Variants in DTNBP1 observed in about 807,000 individuals in gnomAD.
DTNBP1 encodes the protein dystrobrevin binding protein 1.
DTNBP1 carries 35 observed loss-of-function variants against 42.8 expected under a neutral mutation model. That is an observed-to-expected ratio of 0.82 (90% CI 0.63 to 1.09). The LOEUF (loss-of-function observed/expected upper bound fraction) is 1.09, where lower values mean the gene tolerates loss of function less well. Among genes scored for constraint, DTNBP1 ranks in the 50% least tolerant of loss-of-function variants. DTNBP1 has a pLI of 0.00. For missense variants in DTNBP1, 457 were observed against 424.2 expected (o/e 1.08, Z -0.68); for synonymous variants, 171 against 162.2 (o/e 1.05, Z -0.41).
At chr6:15,615,800 TTAAC>T (rs1163203627) in intron 5 of DTNBP1, among the ~76,000 whole-genome samples, 11 of 152,238 alleles carry the variant, frequency 7.2e-5, no homozygotes, top group African/African-American at 2.7e-4. Context: ...ACACCTATAC[TTAAC>T]TAACTTAATA....
intron 1 of DTNBP1, among the ~76,000 whole-genome samples, chr6:15,654,067 G>C (rs781568770): frequency 6.6e-6 from 1 of 152,096 alleles, no homozygotes; most frequent in African/African-American, 2.4e-5. Context: ...GTCATACAAA[G>C]AGTTTCATAT....
chr6:15,541,869 C>T lies in DTNBP1; in HGVS notation c.512-8474G>A, dbSNP rs772631033. ...ATACTCTACAACTAAGCCTTTTAACCGAGATAGGTAATAAATATAGTGAGG... is the reference window on the plus strand; with the variant it reads ...ATACTCTACAACTAAGCCTTTTAACTGAGATAGGTAATAAATATAGTGAGG... On this transcript the variant is annotated intron_variant, in intron 7 of 9. Coordinates refer to ENST00000344537, the MANE Select transcript of DTNBP1 (RefSeq NM_032122.5). 3.6e-4 allele frequency among the ~76,000 whole-genome samples: 54 copies of T among 151,846 alleles called. 1 individual carries two copies. Among genetic ancestry groups the T allele is most frequent in the Non-Finnish European group, 6.9e-4 (47 of 67,964 alleles).
At chr6:15,524,919 G>A (rs529072043) in intron 8 of DTNBP1, among the ~76,000 whole-genome samples, 5 of 152,330 alleles carry the variant, frequency 3.3e-5, no homozygotes, top group Admixed American at 2.0e-4. Flanking sequence ...GGACGCTGAA[G>A]ACTAATCTCT....
chr6:15,568,769 T>C (rs760120932), intron 7 of DTNBP1, among the ~76,000 whole-genome samples: 20 of 152,234 alleles, frequency 1.3e-4, no homozygotes, highest in African/African-American at 4.3e-4. Context: ...CATTTTATTT[T>C]CTCTAGCTTG....
chr6:15,595,144 T>C, intron 6 of DTNBP1: 1 of 456,098 alleles, frequency 2.2e-6, no homozygotes, highest in South Asian at 1.5e-5. Context: ...TCCAGGAAAC[T>C]TCCCTTCAGA....
chr6:15,644,202 GTACAACATAATGA>G (rs1169482897), intron 3 of DTNBP1, among the ~76,000 whole-genome samples: 1 of 150,122 alleles, frequency 6.7e-6, no homozygotes, highest in East Asian at 1.9e-4. Context: ...ACAAAGAAGG[GTACAACATAATGA>G]TAAAGAGCTC....
At chr6:15,581,337 G>T (rs1775822952) in intron 7 of DTNBP1, among the ~76,000 whole-genome samples, 1 of 151,230 alleles carries the variant, frequency 6.6e-6, no homozygotes, top group African/African-American at 2.4e-5. Context: ...CTGCCACCAC[G>T]CCTGGCTAAT....
intron 1 of DTNBP1, among the ~76,000 whole-genome samples, chr6:15,656,283 T>C (rs570656155): frequency 6.6e-6 from 1 of 152,322 alleles, no homozygotes; most frequent in Admixed American, 6.5e-5. Context: ...ACATAAGTGC[T>C]GTGTGAGCAT....
At chr6:15,547,251 A>T (rs776343296) in intron 7 of DTNBP1, among the ~76,000 whole-genome samples, 34 of 152,218 alleles carry the variant, frequency 2.2e-4, no homozygotes, top group Non-Finnish European at 4.4e-4. Context: ...GGTTGTACAG[A>T]CAGAAAACCA....
chr6:15,620,349 G>A (rs953818945), intron 5 of DTNBP1, among the ~76,000 whole-genome samples: 1 of 152,084 alleles, frequency 6.6e-6, no homozygotes. Context: ...ATGATGTACT[G>A]CCATTTATAT....
At position 15,552,285 on chromosome 6, in the gene DTNBP1, C is replaced by T. The variant is rs545305194; in HGVS notation, c.512-18890G>A. On this transcript the variant is annotated intron_variant, in intron 7 of 9. Transcript: ENST00000344537. Reference sequence around the variant, plus strand: ...ATCCAAATGATCAATAAAATACACCCTCTGAACTCCTCCCCCAAATTCATA... The same window carrying T: ...ATCCAAATGATCAATAAAATACACCTTCTGAACTCCTCCCCCAAATTCATA... 2.6e-5 allele frequency among the ~76,000 whole-genome samples: 4 copies of T among 152,336 alleles called. No homozygotes were observed. In the South Asian group the frequency reaches 8.3e-4, roughly 32 times the overall value.
intron 1 of DTNBP1, 120 bp downstream of exon 1, chr6:15,662,694 G>T: frequency 7.4e-7 from 1 of 1,346,700 alleles, no homozygotes; most frequent in Non-Finnish European, 1.0e-6. Context: ...GGGGCGGGGC[G>T]GGGAGGTGCG....
At chr6:15,583,285 A>G (rs1403099524) in intron 7 of DTNBP1, among the ~76,000 whole-genome samples, 1 of 152,168 alleles carries the variant, frequency 6.6e-6, no homozygotes, top group Non-Finnish European at 1.5e-5. Flanking sequence ...TCCCACCCAT[A>G]TACTTATATT....
intron 7 of DTNBP1, among the ~76,000 whole-genome samples, chr6:15,585,041 A>C (rs1373907200): frequency 7.0e-6 from 1 of 142,370 alleles, no homozygotes; most frequent in Non-Finnish European, 1.5e-5. Flanking sequence ...GAATACACTG[A>C]AGTTATATGA....
intron 6 of DTNBP1, among the ~76,000 whole-genome samples, chr6:15,599,164 G>C (rs62397471): frequency 0.081 from 12,336 of 152,188 alleles, 647 homozygotes; most frequent in Non-Finnish European, 0.11. Flanking sequence ...AAATCTATTT[G>C]ATTTAGAAGC....
At chr6:15,627,189 T>A (rs1384412665) in intron 5 of DTNBP1, among the ~76,000 whole-genome samples, 154 bp downstream of exon 5, 1 of 152,172 alleles carries the variant, frequency 6.6e-6, no homozygotes, top group East Asian at 1.9e-4. Flanking sequence ...TTCTGTGGAA[T>A]CCTCAACTAA....
intron 5 of DTNBP1, among the ~76,000 whole-genome samples, chr6:15,619,542 T>C (rs1449309945): frequency 2.0e-5 from 3 of 152,090 alleles, no homozygotes; most frequent in African/African-American, 7.2e-5. Flanking sequence ...GTCATGGTCA[T>C]CAAAAACAAA....
At chr6:15,634,172 T>C (rs539165212) in intron 4 of DTNBP1, among the ~76,000 whole-genome samples, 3 of 152,248 alleles carry the variant, frequency 2.0e-5, no homozygotes, top group East Asian at 1.9e-4. Context: ...TTTAGATTAA[T>C]CTAGATTAAT....
chr6:15,620,228 G>A lies in DTNBP1; in HGVS notation c.356-4829C>T, dbSNP rs1015993663. Among the ~76,000 whole-genome samples the A allele has an allele frequency of 2.0e-5, 3 of 152,092 alleles. No individual in the cohort carries two copies. The East Asian group carries it at 5.8e-4, about 29-fold the overall frequency. On this transcript the variant is annotated intron_variant, in intron 5 of 9. Coordinates refer to ENST00000344537, the MANE Select transcript of DTNBP1 (RefSeq NM_032122.5). Reference sequence around the variant, plus strand: ...CAGCTACTATATGTGATTATGGAACGCTTAAATGAAACAATTTGTAAAATC... The same window carrying A: ...CAGCTACTATATGTGATTATGGAACACTTAAATGAAACAATTTGTAAAATC...
Sources: allele counts gnomAD v4.1 joint callset (sites outside exome capture counted in the v4.1 genomes callset), GRCh38; gene constraint gnomAD v4.1.1; transcripts MANE v1.5; gene names NCBI Gene and HGNC (gene_info 2026-07-23, HGNC 2026-07-21).